DOCK3: variants seen among roughly 807,000 people sequenced by gnomAD.
DOCK3 encodes the protein dedicator of cytokinesis protein 3.
Under a neutral mutation model 265.6 loss-of-function variants are expected in DOCK3, and 60 were observed. The ratio of observed to expected loss-of-function variants is 0.23; its 90% CI spans 0.18 to 0.28. The LOEUF (loss-of-function observed/expected upper bound fraction) is 0.28, where lower values mean the gene tolerates loss of function less well. Ranked by LOEUF, DOCK3 falls within the 10% of genes least tolerant of loss-of-function variation. The probability of loss-of-function intolerance (pLI) is 1.00; values close to 1 mark genes in which losing one functional copy is unlikely to be tolerated. For missense variants in DOCK3, 1,981 were observed against 2,594.3 expected (o/e 0.76, Z 5.14); for synonymous variants, 881 against 938.0 (o/e 0.94, Z 1.11).
intron 1 of DOCK3, among the ~76,000 whole-genome samples, chr3:50,704,191 C>A (rs1454181460): frequency 1.3e-5 from 2 of 152,128 alleles, no homozygotes; most frequent in Admixed American, 1.3e-4. Flanking sequence ...TATGGCCTAA[C>A]GTATGGTCTA....
chr3:50,754,478 C>T (rs935611584), intron 1 of DOCK3, among the ~76,000 whole-genome samples: 7 of 151,162 alleles, frequency 4.6e-5, no homozygotes, highest in Admixed American at 1.3e-4. Flanking sequence ...AAAAATGTTG[C>T]GGGAACTGTA....
chr3:51,349,474 A>G (rs1463508210), intron 39 of DOCK3, among the ~76,000 whole-genome samples: 1 of 152,192 alleles, frequency 6.6e-6, no homozygotes, highest in Non-Finnish European at 1.5e-5. Flanking sequence ...AGAGGCTAGC[A>G]GTCTCAACTC....
chr3:51,319,924 A>G (rs1425233546), intron 32 of DOCK3, among the ~76,000 whole-genome samples: 1 of 152,136 alleles, frequency 6.6e-6, no homozygotes, highest in Admixed American at 6.6e-5. Flanking sequence ...ATTTTAACCC[A>G]TAATCCTACC....
At chr3:50,979,199 C>T (rs1042860571) in intron 5 of DOCK3, among the ~76,000 whole-genome samples, 1 of 152,176 alleles carries the variant, frequency 6.6e-6, no homozygotes, top group Non-Finnish European at 1.5e-5. Flanking sequence ...TTTGTGTCTT[C>T]TTCAACTACT....
chr3:50,739,615 T>C (rs2038884182), intron 1 of DOCK3, among the ~76,000 whole-genome samples: 1 of 152,090 alleles, frequency 6.6e-6, no homozygotes, highest in Non-Finnish European at 1.5e-5. Context: ...CTTAGAAGAG[T>C]GTTTGTCATA....
chr3:51,366,086 G>A (rs1191364206), intron 49 of DOCK3, among the ~76,000 whole-genome samples: 1 of 152,152 alleles, frequency 6.6e-6, no homozygotes, highest in Non-Finnish European at 1.5e-5. Flanking sequence ...TTGTACCTCT[G>A]GTCGAATTCG....
chr3:51,141,777 A>C (rs1031197355), intron 9 of DOCK3, among the ~76,000 whole-genome samples: 1 of 152,192 alleles, frequency 6.6e-6, no homozygotes, highest in African/African-American at 2.4e-5. Context: ...GTAATGGCCA[A>C]GACTAGTGGC....
chr3:51,087,559 C>G (rs373785255), intron 7 of DOCK3, among the ~76,000 whole-genome samples: 1 of 152,152 alleles, frequency 6.6e-6, no homozygotes, highest in African/African-American at 2.4e-5. Context: ...ATACTTTCCT[C>G]TAAGACTGGA....
At chr3:51,377,566 C>T (rs1457701391) in intron 51 of DOCK3, among the ~76,000 whole-genome samples, 1 of 152,228 alleles carries the variant, frequency 6.6e-6, no homozygotes, top group Non-Finnish European at 1.5e-5. Context: ...CGACAGGATA[C>T]AGTTGGGATC....
At chr3:50,891,440 A>T (rs2048636369) in intron 4 of DOCK3, among the ~76,000 whole-genome samples, 1 of 152,136 alleles carries the variant, frequency 6.6e-6, no homozygotes, top group Non-Finnish European at 1.5e-5. Context: ...CCATAAGGAC[A>T]TAAAAAAGAA....
intron 5 of DOCK3, among the ~76,000 whole-genome samples, chr3:51,024,810 A>G (rs1320100452): frequency 1.3e-5 from 2 of 152,192 alleles, no homozygotes; most frequent in African/African-American, 4.8e-5. Flanking sequence ...CCTTGGTTGT[A>G]GATAGGCTTA....
chr3:50,721,037 G>A (rs554846022), intron 1 of DOCK3, among the ~76,000 whole-genome samples: 51 of 150,814 alleles, frequency 3.4e-4, no homozygotes, highest in African/African-American at 1.2e-3. Flanking sequence ...GCCTTTTAAT[G>A]TGTTTTTTTT....
intron 2 of DOCK3, among the ~76,000 whole-genome samples, chr3:50,796,512 A>G (rs769502611): frequency 4.0e-5 from 6 of 151,352 alleles, no homozygotes; most frequent in Non-Finnish European, 7.4e-5. Context: ...CTAATTTTGT[A>G]TTTTTAGTAG....
intron 5 of DOCK3, among the ~76,000 whole-genome samples, chr3:50,940,300 A>G (rs1217652529): frequency 6.6e-6 from 1 of 151,816 alleles, no homozygotes; most frequent in Non-Finnish European, 1.5e-5. Context: ...AAAAAAAAAA[A>G]AAAAAAAGGA....
At chr3:51,277,880 A>G (rs1026357943) in intron 26 of DOCK3, 126 bp downstream of exon 26, 2 of 1,518,388 alleles carry the variant, frequency 1.3e-6, no homozygotes, top group South Asian at 1.3e-5. Flanking sequence ...GGTTGTCAGC[A>G]TGCTGCCCTC....
intron 5 of DOCK3, among the ~76,000 whole-genome samples, chr3:50,948,543 G>A (rs749298294): frequency 1.5e-4 from 22 of 151,016 alleles, no homozygotes; most frequent in Non-Finnish European, 2.2e-4. Flanking sequence ...AGCTGGGACC[G>A]CCAAACCCGG....
chr3:51,222,512 C>T (rs753143666), intron 14 of DOCK3, among the ~76,000 whole-genome samples: 19 of 152,184 alleles, frequency 1.2e-4, no homozygotes, highest in Non-Finnish European at 2.2e-4. Context: ...CAAGAAGCCT[C>T]TCCCTCCCAG....
chr3:51,326,263 A>T (rs199642707), intron 32 of DOCK3, among the ~76,000 whole-genome samples: 21 of 59,308 alleles, frequency 3.5e-4, no homozygotes, highest in East Asian at 1.9e-3. Flanking sequence ...TATTTTTTTT[A>T]ATTTTTTTTT....
intron 5 of DOCK3, among the ~76,000 whole-genome samples, chr3:51,021,402 A>G (rs2079585724): frequency 6.6e-6 from 1 of 152,182 alleles, no homozygotes; most frequent in African/African-American, 2.4e-5. Flanking sequence ...TGGAAATCCT[A>G]TTTATATATT....
Sources: allele counts gnomAD v4.1 joint callset (sites outside exome capture counted in the v4.1 genomes callset), GRCh38; gene constraint gnomAD v4.1.1; transcripts MANE v1.5; gene names NCBI Gene and HGNC (gene_info 2026-07-23, HGNC 2026-07-21).